The following POLA1 variants were observed in gnomAD, a reference collection of about 807,000 sequenced individuals.
POLA1 encodes the protein DNA polymerase alpha 1, catalytic subunit, also known as DNA polymerase alpha catalytic subunit.
A neutral mutation model predicts 124.0 loss-of-function variants in POLA1; 15 were observed. That is an observed-to-expected ratio of 0.12 (90% CI 0.08 to 0.19). The LOEUF is 0.19. Among genes scored for constraint, POLA1 ranks in the 10% least tolerant of loss-of-function variants. The pLI is 1.00. For missense variants in POLA1, 886 were observed against 1,103.4 expected, an observed-to-expected ratio of 0.80 and a Z score of 2.79; for synonymous variants, 408 against 389.4, an observed-to-expected ratio of 1.05 and a Z score of -0.56.
At chrX:24,775,459 G>C (rs770381538) in intron 26 of POLA1, 1 of 112,203 alleles carries the variant, frequency 8.9e-6, no homozygotes, top group South Asian at 3.7e-4. Flanking sequence ...CATTTTACCA[G>C]CCAGAATCTA....
chrX:24,942,009 C>T (rs1303029616), intron 36 of POLA1, among the ~76,000 whole-genome samples: 1 of 112,188 alleles, frequency 8.9e-6, no homozygotes, highest in East Asian at 2.8e-4. Context: ...CCTCTTCGTG[C>T]CCTGAACCCT....
intron 35 of POLA1, among the ~76,000 whole-genome samples, chrX:24,903,863 C>G (rs755278139): frequency 9.1e-6 from 1 of 109,363 alleles, no homozygotes; most frequent in Non-Finnish European, 1.9e-5. Context: ...ACATGGAGAC[C>G]GAAAAGTAAA....
intron 36 of POLA1, among the ~76,000 whole-genome samples, chrX:24,987,592 G>A (rs12861811): frequency 0.017 from 1,843 of 111,455 alleles, 17 homozygotes; most frequent in Admixed American, 0.054. Context: ...ATACTGATTT[G>A]GCTTAATCAA....
In POLA1 at chrX:24,733,792, T is replaced by C. The variant is rs757146920; in HGVS notation, c.1809T>C (p.Ala603=). The part of the protein sequence containing the change: ...SKPKDCIFPY[A]FKEVIEKKNV... Reference sequence around the variant, plus strand: ...CAAAGGACTGTATTTTTCCATATGCTTTCAAAGAAGTCATTGAGAAAAAGG... The same window carrying C: ...CAAAGGACTGTATTTTTCCATATGCCTTCAAAGAAGTCATTGAGAAAAAGG... The change falls in exon 17 of 37, where the codon GCT becomes GCC. Residue 603 remains alanine, a synonymous_variant. Coordinates refer to ENST00000379068, the MANE Select transcript of POLA1 (RefSeq NM_001330360.2). 15 of 1,140,072 alleles carry C rather than the reference T, an allele frequency of 1.3e-5. No individual in the cohort carries two copies. Among genetic ancestry groups the C allele is most frequent in the Non-Finnish European group, 1.7e-5 (14 of 838,428 alleles). 94.0% of individuals were successfully genotyped at this position (1,140,072 alleles called of 1,213,427 possible). A position where few individuals can be genotyped will look rare whatever the true frequency, so the allele number is the denominator to read the frequency against.
Position 24,728,712 on chromosome X carries a change from A to G in POLA1, c.1686+776A>G, listed in dbSNP as rs781178367. On this transcript the variant is annotated intron_variant, in intron 15 of 36. Transcript: ENST00000379068. ...TATACCAGGGGTTGGCAGGCAATCAATTGTCTGTGAGCCAAATCCAGCCTG... is the reference window on the plus strand; with the variant it reads ...TATACCAGGGGTTGGCAGGCAATCAGTTGTCTGTGAGCCAAATCCAGCCTG... 3.6e-5 allele frequency among the ~76,000 whole-genome samples: 4 copies of G among 111,944 alleles called. No homozygotes were observed. The Admixed American group carries it at 3.8e-4, about 11-fold the overall frequency.
At chrX:24,957,406 T>TGGC in intron 36 of POLA1, among the ~76,000 whole-genome samples, 1 of 111,165 alleles carries the variant, frequency 9.0e-6, no homozygotes, top group Middle Eastern at 4.6e-3. Flanking sequence ...AGAAGAAATG[T>TGGC]GGCAGTATCT....
At chrX:24,843,013 G>A (rs2046429512) in intron 33 of POLA1, among the ~76,000 whole-genome samples, 1 of 110,899 alleles carries the variant, frequency 9.0e-6, no homozygotes, top group African/African-American at 3.3e-5. Flanking sequence ...TTCATTTTTT[G>A]GAAAAATTGC....
chrX:24,716,945 T>C lies in POLA1; in HGVS notation c.680T>C (p.Val227Ala). The change falls in exon 8 of 37, where the codon GTT becomes GCT. Residue 227 changes from valine to alanine, a missense_variant. By Grantham distance (64) the Val-to-Ala change is moderately conservative. Transcript: ENST00000379068. The stretch of plus-strand genomic sequence containing the variant: ...AGAAAGGAGCCTCCATTAACTCCTG[T>C]TCCTCTTAAACGTGCTGAATTTGCT... ...VSRKEPPLTPVPLKRAEFAGD... is the reference protein window; with the variant it reads ...VSRKEPPLTPAPLKRAEFAGD... 8.4e-7 allele frequency: 1 copy of C among 1,193,163 alleles called. No homozygotes were observed. The highest frequency in any genetic ancestry group is 1.8e-5 in the South Asian group (1 of 55,696).
chrX:24,964,284 A>C (rs2048199491), intron 36 of POLA1, among the ~76,000 whole-genome samples: 1 of 112,537 alleles, frequency 8.9e-6, no homozygotes, highest in South Asian at 3.7e-4. Context: ...CTTTTTAATA[A>C]GTTGATTGTA....
chrX:24,699,574 T>A (rs1262475730), intron 2 of POLA1, 25 bp downstream of exon 2: 1 of 1,112,063 alleles, frequency 9.0e-7, no homozygotes, highest in East Asian at 3.1e-5. Flanking sequence ...TTCTTCTTTA[T>A]TCTTCCTGTG....
intron 36 of POLA1, among the ~76,000 whole-genome samples, chrX:24,973,387 G>C (rs888677312): frequency 9.2e-6 from 1 of 108,315 alleles, no homozygotes; most frequent in Non-Finnish European, 1.9e-5. Flanking sequence ...AGGCAAGAAA[G>C]AAAAAGAAAG....
intron 4 of POLA1, among the ~76,000 whole-genome samples, chrX:24,705,990 C>G (rs1928778552): frequency 8.9e-6 from 1 of 111,978 alleles, no homozygotes; most frequent in African/African-American, 3.2e-5. Context: ...TGTCAGATTT[C>G]TTCCTTGTAA....
At chrX:24,937,143 CTGTT>C (rs1255398973) in intron 36 of POLA1, among the ~76,000 whole-genome samples, 2 of 111,299 alleles carry the variant, frequency 1.8e-5, no homozygotes, top group East Asian at 2.8e-4. Flanking sequence ...ACATAGCTGT[CTGTT>C]TATTATAAAG....
intron 35 of POLA1, among the ~76,000 whole-genome samples, chrX:24,906,164 C>T (rs1002248267): frequency 1.8e-5 from 2 of 111,761 alleles, no homozygotes; most frequent in Non-Finnish European, 1.9e-5. Flanking sequence ...GGGTATCTAC[C>T]CAGAGGAAAA....
intron 26 of POLA1, among the ~76,000 whole-genome samples, chrX:24,753,580 C>G: frequency 9.0e-6 from 1 of 111,293 alleles, no homozygotes; most frequent in East Asian, 2.8e-4. Flanking sequence ...GTCTCCAACT[C>G]CTAGCCTCGA....
intron 35 of POLA1, among the ~76,000 whole-genome samples, chrX:24,916,500 A>G (rs111694777): frequency 6.5e-4 from 72 of 109,966 alleles, no homozygotes; most frequent in African/African-American, 2.0e-3. Flanking sequence ...GCTGGTCTCG[A>G]ACTCCTGACC....
chrX:24,942,005 C>T (rs1044362006), intron 36 of POLA1, among the ~76,000 whole-genome samples: 5 of 112,241 alleles, frequency 4.5e-5, no homozygotes, highest in African/African-American at 6.5e-5. Flanking sequence ...GTCCCCTCTT[C>T]GTGCCCTGAA....
intron 36 of POLA1, among the ~76,000 whole-genome samples, chrX:24,950,098 T>C (rs1037126451): frequency 3.6e-5 from 4 of 111,923 alleles, no homozygotes; most frequent in African/African-American, 1.3e-4. Flanking sequence ...TCTCTGGGAG[T>C]AGGATAACAA....
intron 34 of POLA1, among the ~76,000 whole-genome samples, chrX:24,848,176 T>C (rs1325686748): frequency 8.9e-6 from 1 of 112,398 alleles, no homozygotes; most frequent in Non-Finnish European, 1.9e-5. Context: ...CCTAGCTTTG[T>C]TACTCTCTTT....
Sources: allele counts gnomAD v4.1 joint callset (sites outside exome capture counted in the v4.1 genomes callset), GRCh38; gene constraint gnomAD v4.1.1; transcripts MANE v1.5; gene names NCBI Gene and HGNC (gene_info 2026-07-23, HGNC 2026-07-21).